The following SLC8A1 variants were observed in gnomAD, a reference collection of about 807,000 sequenced individuals.
SLC8A1 encodes the protein sodium/calcium exchanger 1.
SLC8A1 carries 18 observed loss-of-function variants against 68.3 expected under a neutral mutation model. The ratio of observed to expected loss-of-function variants is 0.26; its 90% CI spans 0.18 to 0.39. The LOEUF is 0.39. SLC8A1 is among the 10% of genes least tolerant of loss of function. The pLI is 1.00. For synonymous variants in SLC8A1, 475 were observed against 415.5 expected (o/e 1.14, Z -1.74); for missense variants, 985 against 1,156.7 (o/e 0.85, Z 2.15).
At chr2:40,276,177 T>C (rs1050337555) in intron 2 of SLC8A1, among the ~76,000 whole-genome samples, 3 of 152,228 alleles carry the variant, frequency 2.0e-5, no homozygotes, top group Admixed American at 6.5e-5. Flanking sequence ...TGAGATCTAA[T>C]GATCAGCTGC....
chr2:40,220,097 G>C (rs992608538), intron 2 of SLC8A1: 1 of 150,870 alleles, frequency 6.6e-6, no homozygotes, highest in East Asian at 1.9e-4. Flanking sequence ...CCTTTCAACT[G>C]GCTAGCAATG....
intron 2 of SLC8A1, among the ~76,000 whole-genome samples, chr2:40,188,604 CAAAGTAAAA>C (rs1028796467): frequency 6.6e-6 from 1 of 152,108 alleles, no homozygotes; most frequent in African/African-American, 2.4e-5. Context: ...TTTCTTTTTT[CAAAGTAAAA>C]AGTGTCAAGG....
At chr2:40,472,413 G>T (rs1394785166) in intron 1 of SLC8A1, among the ~76,000 whole-genome samples, 1 of 152,114 alleles carries the variant, frequency 6.6e-6, no homozygotes, top group Admixed American at 6.5e-5. Context: ...ATATTAACAT[G>T]TCTGAATTTT....
At chr2:40,133,939 G>A (rs2039969871) in intron 7 of SLC8A1, among the ~76,000 whole-genome samples, 1 of 151,966 alleles carries the variant, frequency 6.6e-6, no homozygotes, top group Non-Finnish European at 1.5e-5. Flanking sequence ...AAAAAGGCTG[G>A]GCTCCAAATG....
rs142854053 is a variant in SLC8A1, at chr2:40,313,717, A to C, written c.1808+114756T>G. ...AGTACCTGGATATGGTCAATTTTTA[A>C]TTGTAGCTACTCTATTCAGTGTGCA... is the stretch of plus-strand genomic sequence containing the variant. On this transcript the variant is annotated intron_variant, in intron 2 of 7. Coordinates refer to ENST00000406785, the Ensembl canonical transcript of SLC8A1. 4.9e-3 allele frequency among the ~76,000 whole-genome samples: 746 copies of C among 152,058 alleles called. 6 individuals are homozygous for C. Among genetic ancestry groups the C allele is most frequent in the African/African-American group, 0.017 (692 of 41,510 alleles).
At chr2:40,233,974 G>C (rs1375011516) in intron 2 of SLC8A1, among the ~76,000 whole-genome samples, 3 of 152,148 alleles carry the variant, frequency 2.0e-5, no homozygotes. Flanking sequence ...TTTGGTATCA[G>C]TACCATGCTG....
chr2:40,257,629 GTTAA>G (rs1175698664), intron 2 of SLC8A1, among the ~76,000 whole-genome samples: 3 of 152,156 alleles, frequency 2.0e-5, no homozygotes, highest in Non-Finnish European at 4.4e-5. Context: ...CTTTACTGGA[GTTAA>G]TTAAAGCAAT....
At chr2:40,233,941 G>T (rs1194723151) in intron 2 of SLC8A1, among the ~76,000 whole-genome samples, 2 of 151,856 alleles carry the variant, frequency 1.3e-5, no homozygotes, top group Non-Finnish European at 2.9e-5. Context: ...GCTCTGTTCT[G>T]TTCCATTGAT....
rs1164623822 is a variant in SLC8A1 at position 40,493,277 on chromosome 2, T to C, written c.-25+19072A>G. Among the ~76,000 whole-genome samples, 3 of 141,854 alleles carry C rather than the reference T, an allele frequency of 2.1e-5. No individual in the cohort carries two copies. The Admixed American group carries it at 2.3e-4, about 11-fold the overall frequency. 93.1% of individuals were successfully genotyped at this position (141,854 alleles called of 152,430 possible). On this transcript the variant is annotated intron_variant, in intron 1 of 7. Transcript: ENST00000402441. ...ACCAAACACCGCATATTCTCACTCA[T>C]AGGTGGGAATTGAACAATGAGAACA...
intron 1 of SLC8A1, among the ~76,000 whole-genome samples, chr2:40,476,030 C>T (rs554753926): frequency 5.9e-4 from 90 of 152,168 alleles, no homozygotes; most frequent in Middle Eastern, 3.4e-3. Flanking sequence ...TGTTTTGGCA[C>T]AAAGCATGAA....
chr2:40,491,419 G>A (rs1201858724), intron 1 of SLC8A1, among the ~76,000 whole-genome samples: 1 of 152,142 alleles, frequency 6.6e-6, no homozygotes, highest in African/African-American at 2.4e-5. Context: ...ATACAATCAT[G>A]TCATCTGCAA....
chr2:40,479,494 G>T (rs1162648567), intron 1 of SLC8A1, among the ~76,000 whole-genome samples: 1 of 152,090 alleles, frequency 6.6e-6, no homozygotes, highest in Non-Finnish European at 1.5e-5. Context: ...TGGTCATCTG[G>T]TTGGATATTA....
intron 2 of SLC8A1, among the ~76,000 whole-genome samples, chr2:40,223,302 TG>T (rs2058576388): frequency 6.6e-6 from 1 of 151,922 alleles, no homozygotes. Flanking sequence ...CACTCATAAG[TG>T]GGAGTTGAAC....
At chr2:40,316,037 C>A (rs975306870) in intron 2 of SLC8A1, among the ~76,000 whole-genome samples, 1 of 151,950 alleles carries the variant, frequency 6.6e-6, no homozygotes. Flanking sequence ...TGCAAAAAAA[C>A]GTGATATGAA....
chr2:40,331,255 T>C (rs894687694), intron 2 of SLC8A1, among the ~76,000 whole-genome samples: 1 of 152,250 alleles, frequency 6.6e-6, no homozygotes, highest in African/African-American at 2.4e-5. Flanking sequence ...ATCATTACTA[T>C]TGTCATTATT....
intron 2 of SLC8A1, among the ~76,000 whole-genome samples, chr2:40,363,032 C>A (rs1006913181): frequency 1.3e-5 from 2 of 152,052 alleles, no homozygotes; most frequent in Non-Finnish European, 2.9e-5. Context: ...TATCCATAAT[C>A]ATTTCCCCAC....
chr2:40,282,080 A>G (rs575709509), intron 2 of SLC8A1, among the ~76,000 whole-genome samples: 2 of 152,284 alleles, frequency 1.3e-5, no homozygotes, highest in African/African-American at 4.8e-5. Context: ...TGGTGTATCA[A>G]ATTGTGTCCT....
intron 6 of SLC8A1, among the ~76,000 whole-genome samples, chr2:40,159,032 G>C (rs2045161753): frequency 6.6e-6 from 1 of 152,112 alleles, no homozygotes; most frequent in Non-Finnish European, 1.5e-5. Context: ...GTTCTTGAGA[G>C]TCATAAAACT....
chr2:40,506,534 T>C (rs1202519911), intron 1 of SLC8A1, among the ~76,000 whole-genome samples: 1 of 151,948 alleles, frequency 6.6e-6, no homozygotes, highest in Non-Finnish European at 1.5e-5. Context: ...TCTTATTTTG[T>C]CTTCCAAATC....
Sources: gnomAD v4.1 joint callset for allele counts (sites outside exome capture counted in the v4.1 genomes callset) on GRCh38, gnomAD v4.1.1 for gene constraint, MANE v1.5 for transcripts, NCBI Gene and HGNC (gene_info 2026-07-23, HGNC 2026-07-21) for gene names.